Variants in DHRSX observed in about 807,000 individuals in gnomAD.
The protein encoded by DHRSX is dehydrogenase/reductase X-linked.
In DHRSX, 31 loss-of-function variants were observed where a neutral mutation model predicts 34.0. The observed-to-expected ratio is 0.91, with a 90% CI of 0.69 to 1.23. DHRSX has a LOEUF of 1.23. DHRSX is among the 50% of genes most tolerant of loss of function. The pLI, the probability that DHRSX is intolerant of heterozygous loss-of-function variation, is 0.00. For synonymous variants in DHRSX, 201 were observed against 183.8 expected (o/e 1.09, Z -0.76); for missense variants, 414 against 428.1 (o/e 0.97, Z 0.29).
At chrX:2,418,524 T>A (rs2124644444) in intron 2 of DHRSX, among the ~76,000 whole-genome samples, 1 of 152,316 alleles carries the variant, frequency 6.6e-6, no homozygotes, top group Non-Finnish European at 1.5e-5. Flanking sequence ...AGAATTAAAC[T>A]AATAATTAAA....
chrX:2,243,311 C>T (rs1459637691), intron 5 of DHRSX, 81 bp from the exon 6 acceptor site: 48 of 1,219,742 alleles, frequency 3.9e-5, no homozygotes, highest in Non-Finnish European at 5.3e-5. Context: ...TCTGTACCTG[C>T]GGCCACGGCC....
At chrX:2,314,219 AGGGAAGGAAGGG>A (rs1569487175) in intron 3 of DHRSX, among the ~76,000 whole-genome samples, 52 of 11,960 alleles carry the variant, frequency 4.3e-3, no homozygotes, top group African/African-American at 8.2e-3. Context: ...GGAGGGAAGG[AGGGAAGGAAGGG>A]AGGGAGGGAA....
chrX:2,364,255 T>C (rs2042972941), intron 3 of DHRSX, among the ~76,000 whole-genome samples: 2 of 152,122 alleles, frequency 1.3e-5, no homozygotes, highest in South Asian at 4.1e-4. Flanking sequence ...CAGGAACATA[T>C]AGAAATGTCT....
intron 1 of DHRSX, among the ~76,000 whole-genome samples, chrX:2,484,723 G>C (rs1412098120): frequency 6.6e-6 from 1 of 152,056 alleles, no homozygotes; most frequent in African/African-American, 2.4e-5. Flanking sequence ...GAAAGGACGG[G>C]GCGGCGGGCC....
intron 1 of DHRSX, among the ~76,000 whole-genome samples, chrX:2,478,540 C>T (rs1307208774): frequency 1.2e-5 from 1 of 80,950 alleles, no homozygotes; most frequent in Non-Finnish European, 2.7e-5. Context: ...AAGGGACCAC[C>T]AGTGTGTACA....
chrX:2,468,470 G>A (rs2044531766), intron 1 of DHRSX, among the ~76,000 whole-genome samples: 1 of 131,032 alleles, frequency 7.6e-6, no homozygotes, highest in South Asian at 2.9e-4. Context: ...GCAGTTTACA[G>A]GATGAAAAGT....
intron 1 of DHRSX, among the ~76,000 whole-genome samples, chrX:2,494,515 GATT>G (rs2124126244): frequency 6.6e-6 from 1 of 151,738 alleles, no homozygotes; most frequent in East Asian, 1.9e-4. Flanking sequence ...TATATTCTAT[GATT>G]ATTATTAGGC....
chrX:2,434,722 T>C (rs2043972584), intron 1 of DHRSX, among the ~76,000 whole-genome samples: 2 of 152,190 alleles, frequency 1.3e-5, no homozygotes, highest in African/African-American at 4.8e-5. Flanking sequence ...GGCTCAGCTA[T>C]TCCACTTCCA....
chrX:2,331,869 T>C (rs1456090045), intron 3 of DHRSX, among the ~76,000 whole-genome samples: 2 of 152,144 alleles, frequency 1.3e-5, no homozygotes, highest in Non-Finnish European at 2.9e-5. Context: ...ATCACTGTTG[T>C]CTATTTTAAG....
At chrX:2,489,696 C>T in intron 1 of DHRSX, 2 of 1,612,680 alleles carry the variant, frequency 1.2e-6, no homozygotes, top group Non-Finnish European at 1.7e-6. Flanking sequence ...ATGCAGTGGG[C>T]CACGTTCTGC....
chrX:2,241,272 A>C (rs958619462), intron 6 of DHRSX, among the ~76,000 whole-genome samples: 4 of 152,216 alleles, frequency 2.6e-5, no homozygotes, highest in African/African-American at 9.6e-5. Context: ...AACGAAGATC[A>C]TTGCAGAAAT....
At chrX:2,303,322 G>A (rs757778425) in intron 3 of DHRSX, among the ~76,000 whole-genome samples, 72 of 152,206 alleles carry the variant, frequency 4.7e-4, no homozygotes, top group African/African-American at 1.7e-3. Context: ...GAGTGGCCTG[G>A]GGAGAGGTGA....
At chrX:2,257,919 G>A (rs565364621) in intron 5 of DHRSX, among the ~76,000 whole-genome samples, 9 of 152,284 alleles carry the variant, frequency 5.9e-5, no homozygotes, top group South Asian at 2.1e-4. Flanking sequence ...GAGCCACCAT[G>A]CCCGGCCGGA....
chrX:2,220,975 C>A lies in DHRSX; in HGVS notation c.*66G>T. The A allele has an allele frequency of 6.5e-7, 1 of 1,534,684 alleles. No individual in the cohort carries two copies. The highest frequency in any genetic ancestry group is 8.9e-7 in the Non-Finnish European group (1 of 1,123,228). ...AGAAACTCAAACACCGCAGTCTTCA[C>A]AGACCCACAAGCTATTGGCAGGTGC... On this transcript the variant is annotated 3_prime_UTR_variant, in exon 7 of 7. Coordinates refer to ENST00000334651, the MANE Select transcript of DHRSX (RefSeq NM_145177.3).
At chrX:2,254,947 C>A (rs1201744467) in intron 5 of DHRSX, among the ~76,000 whole-genome samples, 3 of 98,094 alleles carry the variant, frequency 3.1e-5, no homozygotes, top group Non-Finnish European at 7.5e-5. Context: ...CTGCCCCACG[C>A]CCCCCCCCTT....
chrX:2,230,440 AGAG>A (rs1351021955), intron 6 of DHRSX, among the ~76,000 whole-genome samples: 5 of 152,192 alleles, frequency 3.3e-5, no homozygotes, highest in African/African-American at 1.2e-4. Flanking sequence ...CAGACAACAG[AGAG>A]GAGATGGCTT....
At chrX:2,267,945 C>T (rs1282320416) in intron 4 of DHRSX, among the ~76,000 whole-genome samples, 3 of 152,092 alleles carry the variant, frequency 2.0e-5, no homozygotes, top group Non-Finnish European at 4.4e-5. Flanking sequence ...CCTGTCTCCC[C>T]CCAGAATTCT....
chrX:2,295,424 G>T (rs2041920265), intron 3 of DHRSX, among the ~76,000 whole-genome samples: 2 of 108,682 alleles, frequency 1.8e-5, no homozygotes, highest in Non-Finnish European at 2.5e-5. Context: ...AGGGCTTGCT[G>T]GGGGGTGGAG....
chrX:2,286,087 C>T (rs1359900015), intron 4 of DHRSX, among the ~76,000 whole-genome samples: 11 of 152,084 alleles, frequency 7.2e-5, no homozygotes, highest in Middle Eastern at 3.2e-3. Flanking sequence ...CCATTCTCAA[C>T]GCTGACTGTG....
Sources: gnomAD v4.1 joint callset for allele counts (sites outside exome capture counted in the v4.1 genomes callset) on GRCh38, gnomAD v4.1.1 for gene constraint, MANE v1.5 for transcripts, NCBI Gene and HGNC (gene_info 2026-07-23, HGNC 2026-07-21) for gene names.